PPP1R1C: variants seen among roughly 807,000 people sequenced by gnomAD.
The protein encoded by PPP1R1C is protein phosphatase 1 regulatory inhibitor subunit 1C.
A neutral mutation model predicts 17.4 loss-of-function variants in PPP1R1C; 15 were observed. The ratio of observed to expected loss-of-function variants is 0.86; its 90% CI spans 0.58 to 1.33. PPP1R1C has a LOEUF of 1.33. Ranked by LOEUF, PPP1R1C falls within the 40% of genes most tolerant of loss-of-function variation. The pLI, the probability that PPP1R1C is intolerant of heterozygous loss-of-function variation, is 0.00. For missense variants in PPP1R1C, 143 were observed against 130.0 expected (o/e 1.10, Z -0.48); for synonymous variants, 35 against 43.1 (o/e 0.81, Z 0.73).
In PPP1R1C at chr2:182,117,465, C is replaced by T; in HGVS notation, c.*170C>T. 6 of 541,378 alleles carry T rather than the reference C, an allele frequency of 1.1e-5. No individual in the cohort carries two copies. Among genetic ancestry groups the T allele is most frequent in the Non-Finnish European group, 2.0e-5 (6 of 302,574 alleles). The allele number at this position is 541,378 out of a possible 1,614,324, so 33.5% of individuals were successfully genotyped here. A position where few individuals can be genotyped will look rare whatever the true frequency, so the allele number is the denominator to read the frequency against. On this transcript the variant is annotated 3_prime_UTR_variant, in exon 5 of 5. Transcript: ENST00000682840. The stretch of plus-strand genomic sequence containing the variant: ...AAGTCTCCTTGACTGAACTTTAGAA[C>T]TAAGTACACATTGTTCCACATCACT...
chr2:182,073,263 AG>A (rs1479949337), intron 4 of PPP1R1C, among the ~76,000 whole-genome samples: 1 of 152,220 alleles, frequency 6.6e-6, no homozygotes, highest in East Asian at 1.9e-4. Flanking sequence ...CCTTGAGGGC[AG>A]GGCCCATGTC....
intron 2 of PPP1R1C, among the ~76,000 whole-genome samples, chr2:182,032,243 C>G (rs528985827): frequency 6.6e-6 from 1 of 152,158 alleles, no homozygotes; most frequent in Non-Finnish European, 1.5e-5. Flanking sequence ...TTCATCAGAA[C>G]TGAATATCAA....
intron 2 of PPP1R1C, among the ~76,000 whole-genome samples, chr2:182,042,439 G>C (rs1156612172): frequency 1.3e-5 from 2 of 152,158 alleles, no homozygotes. Context: ...GTGAAATGAA[G>C]GCTTGACTGT....
chr2:182,067,221 A>G lies in PPP1R1C; in HGVS notation c.241+3430A>G, dbSNP rs569491879. Among the ~76,000 whole-genome samples, 4 of 152,206 alleles carry G rather than the reference A, an allele frequency of 2.6e-5. No homozygotes were observed. In the South Asian group the frequency reaches 8.3e-4, roughly 32 times the overall value. ...CTTCATGATTTCTTGTAAAGACTTC[A>G]GTATCTAGATATTTTTCTTCTAAGT... On this transcript the variant is annotated intron_variant, in intron 4 of 4. Coordinates refer to ENST00000682840, the MANE Select transcript of PPP1R1C (RefSeq NM_001080545.3).
chr2:182,021,828 A>G, intron 2 of PPP1R1C, among the ~76,000 whole-genome samples: 1 of 152,220 alleles, frequency 6.6e-6, no homozygotes, highest in East Asian at 1.9e-4. Context: ...TTTCCTACAC[A>G]AAACAGAAAG....
downstream of PPP1R1C, chr2:182,131,086 A>C (rs751603004): frequency 6.6e-6 from 1 of 152,190 alleles, no homozygotes; most frequent in Non-Finnish European, 1.5e-5. Context: ...ACCCACAACT[A>C]TATCTGTAGA....
intron 2 of PPP1R1C, among the ~76,000 whole-genome samples, chr2:182,019,099 AT>A (rs1375433819): frequency 6.6e-6 from 1 of 152,218 alleles, no homozygotes; most frequent in Non-Finnish European, 1.5e-5. Flanking sequence ...CCATGAAAAA[AT>A]TCTTATACAC....
intron 4 of PPP1R1C, among the ~76,000 whole-genome samples, chr2:182,067,031 C>A (rs1208551762): frequency 6.6e-6 from 1 of 151,400 alleles, no homozygotes; most frequent in Non-Finnish European, 1.5e-5. Context: ...CTGAAGAAAG[C>A]AAAGTAAGTG....
At chr2:182,019,581 G>A (rs922568032) in intron 2 of PPP1R1C, among the ~76,000 whole-genome samples, 4 of 152,188 alleles carry the variant, frequency 2.6e-5, no homozygotes, top group Non-Finnish European at 4.4e-5. Context: ...TTATTACAGA[G>A]AATGGGTAAG....
chr2:181,986,202 T>G lies in PPP1R1C; in HGVS notation c.81+11T>G. ...GAAGCAGCAGAGCAGGTATGTGAAATTGCATGGAGAACCATTCCTGTACAT... is the reference window on the plus strand; with the variant it reads ...GAAGCAGCAGAGCAGGTATGTGAAAGTGCATGGAGAACCATTCCTGTACAT... On this transcript the variant is annotated intron_variant, in intron 1 of 4. Coordinates refer to ENST00000682840, the MANE Select transcript of PPP1R1C (RefSeq NM_001080545.3). 6.3e-7 allele frequency: 1 copy of G among 1,597,656 alleles called. No homozygotes were observed. The highest frequency in any genetic ancestry group is 8.6e-7 in the Non-Finnish European group (1 of 1,164,916).
upstream of PPP1R1C, among the ~76,000 whole-genome samples, chr2:181,985,299 C>T (rs13407209): frequency 0.067 from 10,188 of 152,192 alleles, 378 homozygotes; most frequent in Middle Eastern, 0.099. The surrounding 1 kb of genome is among the most constrained non-coding windows in gnomAD (Gnocchi z 4.1). Flanking sequence ...GTCCAATCCC[C>T]TCATTTTTCT....
intron 2 of PPP1R1C, among the ~76,000 whole-genome samples, chr2:182,002,748 T>G (rs929750260): frequency 1.3e-5 from 2 of 152,102 alleles, no homozygotes; most frequent in Non-Finnish European, 2.9e-5. Context: ...TTTACATGCT[T>G]TAAAATCTCA....
At position 181,961,903 on chromosome 2, in the gene PPP1R1C, T is replaced by A. The variant is rs1684805013; in HGVS notation, n.111+7269T>A. On this transcript the variant is annotated intron_variant and non_coding_transcript_variant, in intron 1 of 5. Transcript: ENST00000464264. The surrounding 1 kb of genome is among the most constrained non-coding windows in gnomAD (Gnocchi z 5.8). ...TGTCTCCAGTGGCAGCCAAGTGACA[T>A]TGGTCATCAGTGACCTTGTGGAGCC... 2.6e-6 allele frequency: 2 copies of A among 758,576 alleles called. No homozygotes were observed. Among genetic ancestry groups the A allele is most frequent in the Non-Finnish European group, 4.8e-6 (2 of 418,256 alleles). 47.0% of individuals were successfully genotyped at this position (758,576 alleles called of 1,614,324 possible). A position where few individuals can be genotyped will look rare whatever the true frequency, so the allele number is the denominator to read the frequency against.
intron 2 of PPP1R1C, among the ~76,000 whole-genome samples, chr2:181,990,502 AC>A (rs2125142071): frequency 6.6e-6 from 1 of 152,118 alleles, no homozygotes; most frequent in East Asian, 1.9e-4. Flanking sequence ...TTTCAACCTC[AC>A]AGGGTTGTAG....
intron 4 of PPP1R1C, among the ~76,000 whole-genome samples, chr2:182,104,193 A>G (rs188796259): frequency 6.6e-6 from 1 of 152,298 alleles, no homozygotes; most frequent in Non-Finnish European, 1.5e-5. Flanking sequence ...TGTGACTTGT[A>G]TTGCTTTTTC....
chr2:182,087,967 G>A (rs1688677429), intron 4 of PPP1R1C, among the ~76,000 whole-genome samples: 2 of 152,176 alleles, frequency 1.3e-5, no homozygotes, highest in Admixed American at 1.3e-4. Flanking sequence ...TGCAAATGAT[G>A]CAATGAAAAT....
intron 1 of PPP1R1C, 165 bp from the exon 2 acceptor site, chr2:181,987,670 GCTTT>G: frequency 4.7e-6 from 3 of 633,184 alleles, no homozygotes; most frequent in Non-Finnish European, 8.3e-6. Flanking sequence ...CAATTCTGTG[GCTTT>G]CTATTATTTC....
chr2:182,035,990 TAC>T (rs35108850), intron 2 of PPP1R1C, among the ~76,000 whole-genome samples: 3,544 of 150,334 alleles, frequency 0.024, 75 homozygotes, highest in African/African-American at 0.063. Context: ...TGTGTGTTTA[TAC>T]ACACACACAC....
chr2:181,978,877 A>G (rs13410637), intron 2 of PPP1R1C, among the ~76,000 whole-genome samples: 15,160 of 152,110 alleles, frequency 0.1, 1,448 homozygotes, highest in African/African-American at 0.23. Context: ...TAGATACCCC[A>G]ATACCCCTAA....
Sources: gnomAD v4.1 joint callset for allele counts (sites outside exome capture counted in the v4.1 genomes callset) on GRCh38, gnomAD v4.1.1 for gene constraint, Gnocchi (gnomAD v3.1) non-coding constraint, MANE v1.5 for transcripts, NCBI Gene and HGNC (gene_info 2026-07-23, HGNC 2026-07-21) for gene names.